WNK3: variants seen among roughly 807,000 people sequenced by gnomAD.
WNK3 encodes the protein WNK lysine deficient protein kinase 3, also known as serine/threonine-protein kinase WNK3.
WNK3 carries 18 observed loss-of-function variants against 116.7 expected under a neutral mutation model. The observed-to-expected ratio is 0.15, with a 90% CI of 0.11 to 0.23. The LOEUF (loss-of-function observed/expected upper bound fraction) is 0.23, where lower values mean the gene tolerates loss of function less well. Ranked by LOEUF, WNK3 falls within the 10% of genes least tolerant of loss-of-function variation. WNK3 has a pLI of 1.00. For synonymous variants in WNK3, 404 were observed against 469.4 expected (o/e 0.86, Z 1.80); for missense variants, 993 against 1,323.8 (o/e 0.75, Z 3.88).
At chrX:54,314,237 T>C (rs1205425475) in intron 2 of WNK3, among the ~76,000 whole-genome samples, 1 of 108,936 alleles carries the variant, frequency 9.2e-6, no homozygotes, top group Non-Finnish European at 1.9e-5. Context: ...ATTGCCACTC[T>C]TGTTTTCTCT....
intron 1 of WNK3, among the ~76,000 whole-genome samples, chrX:54,351,935 T>A (rs1557178577): frequency 3.6e-5 from 4 of 110,678 alleles, no homozygotes; most frequent in African/African-American, 1.3e-4. Context: ...AACAAAACAA[T>A]AAAATAAAGC....
chrX:54,309,954 G>C (rs2068867812), intron 3 of WNK3, among the ~76,000 whole-genome samples: 1 of 110,715 alleles, frequency 9.0e-6, no homozygotes, highest in Non-Finnish European at 1.9e-5. Context: ...AAAGTCACTA[G>C]AGGGTTAAAC....
chrX:54,333,002 C>T, intron 2 of WNK3, 135 bp downstream of exon 2: 1 of 445,712 alleles, frequency 2.2e-6, no homozygotes, highest in Non-Finnish European at 3.7e-6. Context: ...TAGGAAAGGA[C>T]CATAATTTCT....
At chrX:54,308,145 C>A in intron 4 of WNK3, 66 bp from the exon 5 acceptor site, 1 of 964,435 alleles carries the variant, frequency 1.0e-6, no homozygotes, top group South Asian at 2.9e-5. Context: ...GATCACATCC[C>A]CTTTCCTATA....
At chrX:54,240,030 C>T (rs189816335) in intron 17 of WNK3, among the ~76,000 whole-genome samples, 31 of 112,167 alleles carry the variant, frequency 2.8e-4, no homozygotes, top group African/African-American at 9.4e-4. Flanking sequence ...CAGGGCTGGG[C>T]GCAGTGGCTC....
At chrX:54,275,767 A>T (rs1285910236) in intron 10 of WNK3, among the ~76,000 whole-genome samples, 1 of 110,920 alleles carries the variant, frequency 9.0e-6, no homozygotes, top group African/African-American at 3.3e-5. Context: ...GGGATAAAAA[A>T]CATGGATAAA....
At chrX:54,205,283 CA>C (rs1307127803) in intron 22 of WNK3, among the ~76,000 whole-genome samples, 1 of 99,404 alleles carries the variant, frequency 1.0e-5, no homozygotes, top group South Asian at 4.4e-4. Flanking sequence ...AAACAAACAA[CA>C]AAAAAAAGAA....
At chrX:54,291,041 C>T (rs2068632608) in intron 10 of WNK3, among the ~76,000 whole-genome samples, 1 of 111,433 alleles carries the variant, frequency 9.0e-6, no homozygotes, top group African/African-American at 3.3e-5. Context: ...TGGCCGGGCA[C>T]GGTGGCTCAC....
rs782417147 is a variant in WNK3 at position 54,208,171 on chromosome X, C to T, written c.4871-5978G>A. 3.3e-3 allele frequency among the ~76,000 whole-genome samples: 362 copies of T among 110,736 alleles called. 2 individuals carry two copies. Among genetic ancestry groups the T allele is most frequent in the Non-Finnish European group, 5.9e-3 (311 of 52,992 alleles). ...ATGGAATCTTGCTCTGTCGCCCAGG[C>T]TGCAGTGCAGTGGCGCGATCTCAGC... On this transcript the variant is annotated intron_variant, in intron 22 of 23. Transcript: ENST00000354646.
chrX:54,333,505 T>C, exon 2 of WNK3: 1 of 1,211,726 alleles, frequency 8.3e-7, no homozygotes, highest in Non-Finnish European at 1.1e-6. Flanking sequence ...CGGAAAAATC[T>C]CTTCCTTTCT....
At chrX:54,256,438 TC>T (rs2146957616) in intron 11 of WNK3, among the ~76,000 whole-genome samples, 1 of 112,077 alleles carries the variant, frequency 8.9e-6, no homozygotes, top group Non-Finnish European at 1.9e-5. Context: ...TAAAAATAGC[TC>T]AACATTATTA....
chrX:54,312,928 G>A (rs1212816609), intron 2 of WNK3, among the ~76,000 whole-genome samples: 1 of 110,811 alleles, frequency 9.0e-6, no homozygotes, highest in Non-Finnish European at 1.9e-5. Flanking sequence ...TTCTTAACAT[G>A]AGTACTAAAT....
At chrX:54,306,715 C>T (rs782013816) in intron 5 of WNK3, among the ~76,000 whole-genome samples, 9 of 110,605 alleles carry the variant, frequency 8.1e-5, no homozygotes, top group Non-Finnish European at 1.5e-4. Context: ...TGAGATCTAC[C>T]GTACACCAGG....
At chrX:54,210,089 A>T (rs1373173110) in intron 22 of WNK3, among the ~76,000 whole-genome samples, 1 of 111,361 alleles carries the variant, frequency 9.0e-6, no homozygotes, top group African/African-American at 3.3e-5. Context: ...AAATGTGTCC[A>T]CCAATCTTGG....
intron 5 of WNK3, among the ~76,000 whole-genome samples, chrX:54,302,542 C>T (rs1569538417): frequency 9.1e-6 from 1 of 109,942 alleles, no homozygotes; most frequent in Non-Finnish European, 1.9e-5. Flanking sequence ...CTCAGGCAAT[C>T]TGCCTGCCTT....
chrX:54,346,279 C>CAAAAAAAA (rs150788845), intron 1 of WNK3, among the ~76,000 whole-genome samples: 220 of 30,205 alleles, frequency 7.3e-3, no homozygotes, highest in Admixed American at 0.011. Flanking sequence ...GCTGATCAGC[C>CAAAAAAAA]AAAAAAAAAA....
At chrX:54,302,930 ATT>A (rs782315389) in intron 5 of WNK3, among the ~76,000 whole-genome samples, 6 of 81,720 alleles carry the variant, frequency 7.3e-5, no homozygotes, top group African/African-American at 2.5e-4. Context: ...AACTCGGCTA[ATT>A]TTTTTTTTTT....
intron 10 of WNK3, among the ~76,000 whole-genome samples, chrX:54,283,766 C>CAAAAAAAA (rs782377430): frequency 8.3e-4 from 20 of 23,964 alleles, no homozygotes; most frequent in South Asian, 2.6e-3. Context: ...AAGACTGTCT[C>CAAAAAAAA]AAAAAAAAAA....
intron 1 of WNK3, among the ~76,000 whole-genome samples, chrX:54,347,503 T>C (rs1432403009): frequency 2.8e-5 from 3 of 107,957 alleles, no homozygotes; most frequent in African/African-American, 1.0e-4. Context: ...AAAAAATAAA[T>C]AGCCAGGCAT....
Sources: gnomAD v4.1 joint callset for allele counts (sites outside exome capture counted in the v4.1 genomes callset) on GRCh38, gnomAD v4.1.1 for gene constraint, MANE v1.5 for transcripts, NCBI Gene and HGNC (gene_info 2026-07-23, HGNC 2026-07-21) for gene names.